Variants in PIGN observed in about 807,000 individuals in gnomAD.
PIGN encodes the protein GPI ethanolamine phosphate transferase 1.
In PIGN, 117 loss-of-function variants were observed where a neutral mutation model predicts 125.4. The observed-to-expected ratio is 0.93, with a 90% confidence interval of 0.80 to 1.09. The LOEUF (loss-of-function observed/expected upper bound fraction) is 1.09, where lower values mean the gene tolerates loss of function less well. PIGN is among the 50% of genes least tolerant of loss of function. PIGN has a pLI of 0.00. For missense variants in PIGN, 1,075 were observed against 1,094.9 expected, an observed-to-expected ratio of 0.98 and a Z score of 0.26; for synonymous variants, 392 against 377.8, an observed-to-expected ratio of 1.04 and a Z score of -0.44.
intron 14 of PIGN, among the ~76,000 whole-genome samples, chr18:62,122,519 G>C (rs2146797025): frequency 6.6e-6 from 1 of 152,182 alleles, no homozygotes; most frequent in East Asian, 1.9e-4. Context: ...ACAGCGACAA[G>C]GACATCTGGA....
chr18:62,081,711 C>T (rs546269414), intron 28 of PIGN, among the ~76,000 whole-genome samples: 20 of 152,106 alleles, frequency 1.3e-4, no homozygotes, highest in Non-Finnish European at 2.5e-4. Context: ...CAGGAAAGTA[C>T]ATGTCATTCA....
intron 1 of PIGN, among the ~76,000 whole-genome samples, chr18:62,178,775 T>C (rs925742368): frequency 9.2e-5 from 14 of 152,218 alleles, no homozygotes; most frequent in Non-Finnish European, 2.1e-4. Context: ...GTAAACTCTA[T>C]GTGACTTTAC....
At chr18:62,179,259 C>T (rs1488027277) in intron 1 of PIGN, among the ~76,000 whole-genome samples, 2 of 152,176 alleles carry the variant, frequency 1.3e-5, no homozygotes, top group African/African-American at 2.4e-5. Context: ...GTAAAGTTCA[C>T]TGTAAAGTTT....
chr18:62,027,073 G>T (rs1183299679), intron 23 of PIGN, among the ~76,000 whole-genome samples: 2 of 152,096 alleles, frequency 1.3e-5, no homozygotes, highest in South Asian at 2.1e-4. Flanking sequence ...TGTGGTGGCA[G>T]GCACCTGTAA....
intron 30 of PIGN, among the ~76,000 whole-genome samples, chr18:62,065,113 T>C (rs2032430619): frequency 6.6e-6 from 1 of 151,944 alleles, no homozygotes; most frequent in Non-Finnish European, 1.5e-5. Flanking sequence ...TCTTTTTCTT[T>C]CTCTCTCTCT....
intron 30 of PIGN, among the ~76,000 whole-genome samples, chr18:62,059,461 T>A (rs1172394479): frequency 6.6e-6 from 1 of 152,194 alleles, no homozygotes; most frequent in African/African-American, 2.4e-5. Context: ...CAATGGAACA[T>A]TATTCAGCAA....
At chr18:62,107,826 C>G (rs1375307540) in intron 17 of PIGN, among the ~76,000 whole-genome samples, 2 of 152,104 alleles carry the variant, frequency 1.3e-5, no homozygotes, top group Non-Finnish European at 2.9e-5. Flanking sequence ...GTTTCCTAAT[C>G]TAGTTAGAGA....
At chr18:62,154,517 TG>T in intron 7 of PIGN, 27 bp downstream of exon 7, 2 of 1,027,418 alleles carry the variant, frequency 1.9e-6, no homozygotes, top group Non-Finnish European at 3.0e-6. Context: ...ATATGCTTTT[TG>T]TATATTAACC....
At chr18:62,086,748 T>C (rs1356504482) in intron 25 of PIGN, among the ~76,000 whole-genome samples, 1 of 151,838 alleles carries the variant, frequency 6.6e-6, no homozygotes, top group East Asian at 1.9e-4. Flanking sequence ...AGACAAATAA[T>C]TGGAGGCAGA....
intron 10 of PIGN, among the ~76,000 whole-genome samples, chr18:62,143,908 T>C (rs1339136457): frequency 1.3e-5 from 2 of 152,170 alleles, no homozygotes; most frequent in African/African-American, 2.4e-5. Flanking sequence ...AATTCAGAAA[T>C]TGCATTAAAC....
At chr18:62,152,132 A>C (rs1360545700) in intron 7 of PIGN, among the ~76,000 whole-genome samples, 1 of 152,104 alleles carries the variant, frequency 6.6e-6, no homozygotes, top group East Asian at 1.9e-4. Flanking sequence ...GGAAATTTAA[A>C]AATTTTCCGG....
intron 1 of PIGN, among the ~76,000 whole-genome samples, chr18:62,175,043 A>ATCT (rs2037473744): frequency 1.4e-5 from 2 of 143,598 alleles, no homozygotes. Context: ...TATATATTAT[A>ATCT]AATATATATT....
downstream of PIGN, among the ~76,000 whole-genome samples, chr18:62,038,919 A>AAATAATAAT (rs10601031): frequency 2.0e-4 from 29 of 144,774 alleles, no homozygotes; most frequent in Admixed American, 2.8e-4. Flanking sequence ...CCCTGTCTCA[A>AAATAATAAT]AATAATAATA....
intron 16 of PIGN, chr18:62,112,775 A>C (rs928558422): frequency 7.1e-5 from 18 of 252,770 alleles, no homozygotes; most frequent in African/African-American, 4.0e-4. Flanking sequence ...AAAATTAAAC[A>C]TATTGTTTTG....
At chr18:62,169,649 C>T (rs1304601785) in intron 1 of PIGN, among the ~76,000 whole-genome samples, 1 of 151,666 alleles carries the variant, frequency 6.6e-6, no homozygotes, top group Non-Finnish European at 1.5e-5. Flanking sequence ...GAGACAAAGT[C>T]TTGCTCTGTT....
chr18:62,099,194 A>G (rs2034336810), intron 22 of PIGN, among the ~76,000 whole-genome samples: 1 of 152,102 alleles, frequency 6.6e-6, no homozygotes, highest in South Asian at 2.1e-4. Flanking sequence ...CGCAGAATAC[A>G]GGAACTAATC....
intron 14 of PIGN, chr18:62,138,018 T>A: frequency 1.9e-6 from 1 of 528,394 alleles, no homozygotes; most frequent in Non-Finnish European, 3.2e-6. Context: ...ATATTTCTCA[T>A]GTATCTCTCC....
At chr18:62,060,587 T>C (rs180746073) in intron 30 of PIGN, among the ~76,000 whole-genome samples, 1 of 151,886 alleles carries the variant, frequency 6.6e-6, no homozygotes, top group African/African-American at 2.4e-5. Context: ...TCATGAGTTC[T>C]CTCTTTTTTT....
intron 14 of PIGN, among the ~76,000 whole-genome samples, chr18:62,133,389 T>C (rs892810022): frequency 6.6e-6 from 1 of 152,232 alleles, no homozygotes; most frequent in Non-Finnish European, 1.5e-5. Context: ...AGAGTTATAA[T>C]AGCTTTAGAA....
Sources: gnomAD v4.1 joint callset for allele counts (sites outside exome capture counted in the v4.1 genomes callset) on GRCh38, gnomAD v4.1.1 for gene constraint, MANE v1.5 for transcripts, NCBI Gene and HGNC (gene_info 2026-07-23, HGNC 2026-07-21) for gene names.